Variants in PXDNL observed in about 807,000 individuals in gnomAD.
The protein encoded by PXDNL is probable oxidoreductase PXDNL.
In PXDNL, 145 loss-of-function variants were observed where a neutral mutation model predicts 150.8. The observed-to-expected ratio is 0.96, with a 90% CI of 0.84 to 1.10. PXDNL has a LOEUF of 1.10. Ranked by LOEUF, PXDNL falls within the 50% of genes least tolerant of loss-of-function variation. The pLI, the probability that PXDNL is intolerant of heterozygous loss-of-function variation, is 0.00. For synonymous variants in PXDNL, 757 were observed against 725.7 expected, an observed-to-expected ratio of 1.04 and a Z score of -0.69; for missense variants, 2,087 against 1,873.9, an observed-to-expected ratio of 1.11 and a Z score of -2.10.
chr8:51,590,001 G>T (rs546056539), intron 3 of PXDNL, among the ~76,000 whole-genome samples: 1 of 152,110 alleles, frequency 6.6e-6, no homozygotes, highest in East Asian at 1.9e-4. Context: ...CCTTCCCATC[G>T]CAGGCCCTGA....
intron 8 of PXDNL, among the ~76,000 whole-genome samples, chr8:51,467,099 T>A (rs1047286758): frequency 6.6e-6 from 1 of 152,144 alleles, no homozygotes; most frequent in African/African-American, 2.4e-5. Context: ...GTATGTTAAT[T>A]ACAGCACCGT....
chr8:51,566,890 TTA>T (rs1812840783), intron 3 of PXDNL, among the ~76,000 whole-genome samples: 1 of 151,584 alleles, frequency 6.6e-6, no homozygotes, highest in Non-Finnish European at 1.5e-5. Flanking sequence ...ATTATTGATT[TTA>T]TATCTTTTTT....
chr8:51,702,586 G>A (rs181480249), intron 1 of PXDNL, among the ~76,000 whole-genome samples: 2 of 152,278 alleles, frequency 1.3e-5, no homozygotes, highest in East Asian at 3.9e-4. Flanking sequence ...TTTCGATCCT[G>A]CTTTTTATTA....
At chr8:51,672,658 T>C (rs994002490) in intron 1 of PXDNL, among the ~76,000 whole-genome samples, 2 of 152,178 alleles carry the variant, frequency 1.3e-5, no homozygotes, top group Non-Finnish European at 2.9e-5. Context: ...TTAAATGTTC[T>C]TTCCAATACA....
At chr8:51,569,728 A>G (rs1319409513) in intron 3 of PXDNL, among the ~76,000 whole-genome samples, 1 of 151,916 alleles carries the variant, frequency 6.6e-6, no homozygotes, top group East Asian at 1.9e-4. Flanking sequence ...AAAGGAAGAT[A>G]ATTCTATATA....
rs1586080981 is a variant in PXDNL, at chr8:51,408,582, G to A, written c.3042C>T (p.Tyr1014=). 3.7e-6 allele frequency: 6 copies of A among 1,612,576 alleles called. No individual in the cohort carries two copies. The highest frequency in any genetic ancestry group is 5.1e-6 in the Non-Finnish European group (6 of 1,179,434). Residue 1014 remains tyrosine (Y), a synonymous_variant, in exon 17 of 23, where the codon TAC becomes TAT. Transcript: ENST00000356297. The part of the protein sequence containing the change: ...IVGAELQHIT[Y]SHWLPKVLGD... Reference sequence around the variant, plus strand: ...CCAGGACCTTAGGCAGCCAGTGGCTGTAGGTGATGTGCTGCAGCTCCGCGC... The same window carrying A: ...CCAGGACCTTAGGCAGCCAGTGGCTATAGGTGATGTGCTGCAGCTCCGCGC...
At position 51,490,725 on chromosome 8, in the gene PXDNL, CTAGTGT is replaced by C. The variant is rs1281827605; in HGVS notation, c.453-7017_453-7012del. 5.0e-4 allele frequency among the ~76,000 whole-genome samples: 29 copies of C among 57,738 alleles called. No homozygotes were observed. The East Asian group carries it at 9.7e-3, about 19-fold the overall frequency. The allele number at this position is 57,738 out of a possible 152,430, so 37.9% of individuals were successfully genotyped here. A position where few individuals can be genotyped will look rare whatever the true frequency, so the allele number is the denominator to read the frequency against. The stretch of plus-strand genomic sequence containing the variant: ...CACTCATCAGTATGTAATTGACTTT[CTAGTGT>C]GTGTGTGTGTGTGTGTGTGTGTGTG... On this transcript the variant is annotated intron_variant, in intron 5 of 22. Coordinates refer to ENST00000356297, the MANE Select transcript of PXDNL (RefSeq NM_144651.5).
chr8:51,622,914 G>A (rs962468767), intron 2 of PXDNL, among the ~76,000 whole-genome samples: 82 of 152,256 alleles, frequency 5.4e-4, no homozygotes, highest in African/African-American at 1.9e-3. Context: ...TGGAACAAAC[G>A]GGGGTGCTAA....
intron 1 of PXDNL, among the ~76,000 whole-genome samples, chr8:51,712,947 G>A (rs1411549296): frequency 6.6e-6 from 1 of 152,028 alleles, no homozygotes; most frequent in Non-Finnish European, 1.5e-5. Flanking sequence ...ATAAACCATA[G>A]AAATAAAAAA....
At chr8:51,597,840 G>A (rs13253251) in intron 2 of PXDNL, among the ~76,000 whole-genome samples, 12,807 of 151,584 alleles carry the variant, frequency 0.084, 622 homozygotes, top group South Asian at 0.095. Flanking sequence ...TCAGCCTCCC[G>A]AGTAGCTGGG....
chr8:51,436,194 A>C, intron 12 of PXDNL: 1 of 522,678 alleles, frequency 1.9e-6, no homozygotes. Flanking sequence ...ATCATCCCAA[A>C]AGCCAACCAT....
chr8:51,590,092 T>C (rs1233455179), intron 3 of PXDNL, among the ~76,000 whole-genome samples: 4 of 152,140 alleles, frequency 2.6e-5, no homozygotes, highest in Non-Finnish European at 5.9e-5. Context: ...ACATTGGGTC[T>C]CTGCTTCCTG....
intron 2 of PXDNL, among the ~76,000 whole-genome samples, chr8:51,649,952 A>T (rs1197359330): frequency 1.3e-5 from 2 of 151,904 alleles, no homozygotes; most frequent in Admixed American, 1.3e-4. Flanking sequence ...AAATACAAAA[A>T]ATTGGCTAGG....
At chr8:51,613,489 G>GC (rs1224128992) in intron 2 of PXDNL, among the ~76,000 whole-genome samples, 3 of 86,216 alleles carry the variant, frequency 3.5e-5, no homozygotes, top group African/African-American at 9.0e-5. Flanking sequence ...GGGGGCGGGG[G>GC]GGGGGCAGGG....
intron 17 of PXDNL, among the ~76,000 whole-genome samples, chr8:51,396,014 C>T (rs567857070): frequency 2.8e-4 from 42 of 152,282 alleles, no homozygotes; most frequent in African/African-American, 1.0e-3. Flanking sequence ...TGACTACTTA[C>T]ACCTCTCTTG....
At chr8:51,784,286 T>C (rs1359943622) in intron 1 of PXDNL, among the ~76,000 whole-genome samples, 1 of 152,256 alleles carries the variant, frequency 6.6e-6, no homozygotes, top group East Asian at 1.9e-4. Context: ...CCTGTAAAAC[T>C]ACCAAGGAAC....
At chr8:51,614,069 C>T (rs982652532) in intron 2 of PXDNL, among the ~76,000 whole-genome samples, 1 of 152,146 alleles carries the variant, frequency 6.6e-6, no homozygotes, top group African/African-American at 2.4e-5. Context: ...ACGCTATTGA[C>T]TAAGTGAACA....
intron 12 of PXDNL, among the ~76,000 whole-genome samples, chr8:51,430,174 A>T (rs1343079723): frequency 6.6e-6 from 1 of 152,224 alleles, no homozygotes; most frequent in African/African-American, 2.4e-5. Context: ...GAAATATCTA[A>T]CACCACACTC....
At chr8:51,654,502 C>A (rs1815111071) in intron 2 of PXDNL, among the ~76,000 whole-genome samples, 187 bp downstream of exon 2, 1 of 151,462 alleles carries the variant, frequency 6.6e-6, no homozygotes, top group African/African-American at 2.5e-5. Flanking sequence ...GAATCTCTTC[C>A]ATGTTCAAAA....
Sources: allele counts gnomAD v4.1 joint callset (sites outside exome capture counted in the v4.1 genomes callset), GRCh38; gene constraint gnomAD v4.1.1; transcripts MANE v1.5; gene names NCBI Gene and HGNC (gene_info 2026-07-23, HGNC 2026-07-21).